Variants in IDO2 observed in about 807,000 individuals in gnomAD.
IDO2 encodes the protein indoleamine 2,3-dioxygenase-like 1 protein.
Under a neutral mutation model 45.1 loss-of-function variants are expected in IDO2, and 46 were observed. The observed-to-expected ratio is 1.02, with a 90% CI of 0.80 to 1.30. IDO2 has a LOEUF of 1.30. IDO2 is among the 50% of genes most tolerant of loss of function. The pLI is 0.00. For synonymous variants in IDO2, 218 were observed against 184.9 expected (o/e 1.18, Z -1.45); for missense variants, 544 against 491.8 (o/e 1.11, Z -1.00).
chr8:40,004,544 T>TAGATAGAC, intron 8 of IDO2, among the ~76,000 whole-genome samples: 1 of 151,572 alleles, frequency 6.6e-6, no homozygotes, highest in Non-Finnish European at 1.5e-5. Context: ...GATAGATAGA[T>TAGATAGAC]AGATAGATAG....
At chr8:39,958,643 G>T (rs1031100221) in intron 2 of IDO2, among the ~76,000 whole-genome samples, 1 of 152,108 alleles carries the variant, frequency 6.6e-6, no homozygotes, top group African/African-American at 2.4e-5. Flanking sequence ...TAGAGACGGG[G>T]TTTCACCATG....
At position 39,957,019 on chromosome 8, in the gene IDO2, G is replaced by T. The variant is rs571156005; in HGVS notation, c.100-6589G>T. ...GCTCACACAAGTGCACTCTAGCCTG[G>T]ATGACAGAGTGAGACTCCATCTCAA... On this transcript the variant is annotated intron_variant, in intron 2 of 10. Transcript: ENST00000502986. 6.0e-5 allele frequency among the ~76,000 whole-genome samples: 7 copies of T among 116,530 alleles called. No homozygotes were observed. In the East Asian group the frequency reaches 2.0e-3, roughly 34 times the overall value. The allele number at this position is 116,530 out of a possible 152,430, so 76.4% of individuals were successfully genotyped here.
chr8:40,010,226 C>A (rs1349844678), intron 9 of IDO2, among the ~76,000 whole-genome samples: 1 of 152,112 alleles, frequency 6.6e-6, no homozygotes, highest in Non-Finnish European at 1.5e-5. Context: ...GACATTTGAG[C>A]AGACACCTGG....
chr8:39,978,828 G>C (rs946854792), intron 3 of IDO2, among the ~76,000 whole-genome samples: 3 of 152,114 alleles, frequency 2.0e-5, no homozygotes, highest in Non-Finnish European at 4.4e-5. Flanking sequence ...GACAAACTGT[G>C]GGCTCGGGTG....
chr8:40,006,421 G>C (rs1470276862), intron 9 of IDO2, among the ~76,000 whole-genome samples: 1 of 152,230 alleles, frequency 6.6e-6, no homozygotes, highest in South Asian at 2.1e-4. Flanking sequence ...TGTATTAAAT[G>C]CATTTTTTGT....
chr8:39,974,494 T>A (rs7013312), intron 3 of IDO2, among the ~76,000 whole-genome samples: 8,904 of 152,200 alleles, frequency 0.059, 855 homozygotes, highest in African/African-American at 0.2. Context: ...AAGGAAGAAT[T>A]TTCTAGGGCC....
At chr8:39,951,365 G>C (rs1807812826) in intron 2 of IDO2, among the ~76,000 whole-genome samples, 1 of 148,534 alleles carries the variant, frequency 6.7e-6, no homozygotes, top group Non-Finnish European at 1.5e-5. Flanking sequence ...GGACCGGACT[G>C]TTTCCTCTGA....
chr8:39,954,362 G>T (rs976559953), intron 2 of IDO2, among the ~76,000 whole-genome samples: 3 of 152,200 alleles, frequency 2.0e-5, no homozygotes, highest in African/African-American at 7.2e-5. Flanking sequence ...GGGTGCTGAT[G>T]CTTACTTATC....
intron 1 of IDO2, among the ~76,000 whole-genome samples, chr8:39,946,709 T>G (rs6474198): frequency 0.79 from 120,812 of 152,064 alleles, 49,020 homozygotes; most frequent in South Asian, 0.87. Flanking sequence ...AGCCTGCTCT[T>G]CATGAATTAC....
chr8:39,989,650 A>G, intron 7 of IDO2, 71 bp from the exon 8 acceptor site: 1 of 1,080,298 alleles, frequency 9.3e-7, no homozygotes, highest in Non-Finnish European at 1.4e-6. Flanking sequence ...TTCCAACAGT[A>G]TGAGGCTTAC....
intron 8 of IDO2, among the ~76,000 whole-genome samples, chr8:40,002,055 G>T (rs1344163550): frequency 6.6e-6 from 1 of 151,974 alleles, no homozygotes; most frequent in African/African-American, 2.4e-5. Context: ...CAAAGTGCTG[G>T]GATTATAGGT....
intron 9 of IDO2, among the ~76,000 whole-genome samples, chr8:40,012,023 A>G (rs1295279242): frequency 6.6e-6 from 1 of 152,190 alleles, no homozygotes; most frequent in Non-Finnish European, 1.5e-5. Context: ...TGAAAGCTGT[A>G]GCACAGCCAA....
At position 39,998,218 on chromosome 8, in the gene IDO2, C is replaced by T. The variant is rs542629172; in HGVS notation, c.668-7109C>T. 63 of 153,042 alleles carry T rather than the reference C, an allele frequency of 4.1e-4. 1 individual carries two copies. Among genetic ancestry groups the T allele is most frequent in the Non-Finnish European group, 3.5e-4 (24 of 68,368 alleles). 9.5% of individuals were successfully genotyped at this position (153,042 alleles called of 1,614,324 possible). On this transcript the variant is annotated intron_variant, in intron 8 of 10. Coordinates refer to ENST00000502986, the Ensembl canonical transcript of IDO2. Reference sequence around the variant, plus strand: ...TATAAAGCTGATGAACACACGTACACGTTGTTTAACACTTTCTTGGGCATT... The same window carrying T: ...TATAAAGCTGATGAACACACGTACATGTTGTTTAACACTTTCTTGGGCATT...
intron 4 of IDO2, 138 bp downstream of exon 4, chr8:39,979,324 C>T (rs1202580723): frequency 2.4e-5 from 14 of 587,548 alleles, no homozygotes; most frequent in African/African-American, 3.8e-5. Context: ...GTTTAAGCAA[C>T]GATGAAGGGC....
intron 8 of IDO2, among the ~76,000 whole-genome samples, chr8:39,999,823 C>CTT (rs1802107764): frequency 6.6e-6 from 1 of 152,144 alleles, no homozygotes; most frequent in Non-Finnish European, 1.5e-5. Context: ...CAATTGTAAG[C>CTT]TTTAGAAGTC....
chr8:40,008,232 G>A (rs1314090624), intron 9 of IDO2, among the ~76,000 whole-genome samples: 4 of 151,960 alleles, frequency 2.6e-5, no homozygotes, highest in African/African-American at 9.7e-5. Context: ...TTTTCATAGA[G>A]ATGTGGTCTC....
rs894783349 is a variant in IDO2, at chr8:39,935,026, T to C, written c.-210T>C. On this transcript the variant is annotated 5_prime_UTR_variant, in exon 1 of 11. Transcript: ENST00000502986. ...AATGAGATGAAAATGCACTGCCAGT[T>C]GAAACATCCTCCTACACTGGAGCTT... 11 of 728,894 alleles carry C rather than the reference T, an allele frequency of 1.5e-5. No homozygotes were observed. In the African/African-American group the frequency reaches 1.9e-4, roughly 13 times the overall value. 45.2% of individuals were successfully genotyped at this position (728,894 alleles called of 1,614,324 possible).
chr8:39,952,306 G>A (rs181895425), intron 2 of IDO2, among the ~76,000 whole-genome samples: 21 of 152,276 alleles, frequency 1.4e-4, no homozygotes, highest in Non-Finnish European at 1.6e-4. Context: ...CGTCAGAGTC[G>A]GGAGGCTGTA....
chr8:39,939,110 G>A (rs187585636), intron 1 of IDO2, among the ~76,000 whole-genome samples: 6 of 152,016 alleles, frequency 3.9e-5, no homozygotes, highest in Admixed American at 6.6e-5. Flanking sequence ...AAATTAGCCC[G>A]GTGTGGTGGC....
Sources: gnomAD v4.1 joint callset for allele counts (sites outside exome capture counted in the v4.1 genomes callset) on GRCh38, gnomAD v4.1.1 for gene constraint, MANE v1.5 for transcripts, NCBI Gene and HGNC (gene_info 2026-07-23, HGNC 2026-07-21) for gene names.